The following CDCA7 variants were observed in gnomAD, a reference collection of about 807,000 sequenced individuals.
CDCA7 encodes the protein cell division cycle associated 7.
A neutral mutation model predicts 54.0 loss-of-function variants in CDCA7; 28 were observed. That is an observed-to-expected ratio of 0.52 (90% CI 0.38 to 0.71). The LOEUF (loss-of-function observed/expected upper bound fraction) is 0.71. Ranked by LOEUF, CDCA7 falls within the 30% of genes least tolerant of loss-of-function variation. The probability of loss-of-function intolerance (pLI) is 0.00; values close to 1 mark genes in which losing one functional copy is unlikely to be tolerated. For synonymous variants in CDCA7, 180 were observed against 208.2 expected (o/e 0.86, Z 1.16); for missense variants, 484 against 586.0 (o/e 0.83, Z 1.80).
At chr2:173,356,924 T>A (rs1686518251) in intron 1 of CDCA7, among the ~76,000 whole-genome samples, 1 of 152,218 alleles carries the variant, frequency 6.6e-6, no homozygotes, top group Non-Finnish European at 1.5e-5. Flanking sequence ...GGTATAGGGA[T>A]GTTGGGAGTG....
chr2:173,364,590 C>T, intron 5 of CDCA7: 1 of 399,142 alleles, frequency 2.5e-6, no homozygotes, highest in Non-Finnish European at 3.8e-6. Context: ...TTGAAAGAAA[C>T]TGGGCTTGGT....
At position 173,367,767 on chromosome 2, in the gene CDCA7, T is replaced by A. The variant is rs193054268; in HGVS notation, c.*103T>A. 1.6e-6 allele frequency: 2 copies of A among 1,216,130 alleles called. No homozygotes were observed. Among genetic ancestry groups the A allele is most frequent in the African/African-American group, 3.0e-5 (2 of 66,912 alleles). 75.3% of individuals were successfully genotyped at this position (1,216,130 alleles called of 1,614,324 possible). A position where few individuals can be genotyped will look rare whatever the true frequency, so the allele number is the denominator to read the frequency against. On this transcript the variant is annotated 3_prime_UTR_variant, in exon 10 of 10. Transcript: ENST00000306721. ...GAGTTAAAAATCTTGATGATCAGCCTGTTTCATAAGAAACTCCAATCAAGT... is the reference window on the plus strand; with the variant it reads ...GAGTTAAAAATCTTGATGATCAGCCAGTTTCATAAGAAACTCCAATCAAGT...
chr2:173,355,566 G>T (rs1489397847), intron 1 of CDCA7, among the ~76,000 whole-genome samples: 1 of 152,204 alleles, frequency 6.6e-6, no homozygotes, highest in Non-Finnish European at 1.5e-5. Context: ...AGTGTGAAGC[G>T]ACCGTAGTCC....
In CDCA7 at chr2:173,363,458, C is replaced by A; in HGVS notation, c.617C>A (p.Ala206Glu). 1 of 1,611,152 alleles carries A rather than the reference C, an allele frequency of 6.2e-7. No homozygotes were observed. Among genetic ancestry groups the A allele is most frequent in the Non-Finnish European group, 8.5e-7 (1 of 1,177,390 alleles). Residue 206 changes from alanine (A) to glutamate (E), a missense_variant, in exon 4 of 10, where the codon GCA becomes GAA. Coordinates refer to ENST00000306721, the MANE Select transcript of CDCA7 (RefSeq NM_031942.5). ...GCTTTAAATATAAAGCAAAACAAAG[C>A]AATGGTAGGTATCTGACTTTGTGTT... ...KRALNIKQNKAMLAKLMSELE... is the reference protein window; with the variant it reads ...KRALNIKQNKEMLAKLMSELE...
chr2:173,366,357 C>T lies in CDCA7; in HGVS notation c.1110C>T (p.Gly370=), dbSNP rs145586650. ...KTNCRNPDCW[G]VRGQFCGPCL... is the part of the protein sequence containing the mutation. ...ACTGCAGAAACCCAGACTGCTGGGGCGTTCGAGGCCAGTTCTGTGGCCCCT... is the reference window on the plus strand; with the variant it reads ...ACTGCAGAAACCCAGACTGCTGGGGTGTTCGAGGCCAGTTCTGTGGCCCCT... The change falls in exon 8 of 10, where the codon GGC becomes GGT. Residue 370 remains glycine (G), a synonymous_variant. Transcript: ENST00000306721. This position sits in a 1 kb window ranked among gnomAD's most constrained non-coding sequence, Gnocchi z 4.5. 3.7e-4 allele frequency: 595 copies of T among 1,613,886 alleles called. No homozygotes were observed. Among genetic ancestry groups the T allele is most frequent in the African/African-American group, 3.3e-3 (249 of 74,958 alleles).
chr2:173,354,883 T>A lies in CDCA7; in HGVS notation c.-81T>A. 3 of 1,347,378 alleles carry A rather than the reference T, an allele frequency of 2.2e-6. No homozygotes were observed. Among genetic ancestry groups the A allele is most frequent in the Non-Finnish European group, 2.9e-6 (3 of 1,033,248 alleles). The allele number at this position is 1,347,378 out of a possible 1,614,324, so 83.5% of individuals were successfully genotyped here. ...AGCCTGCCAGCCGCGCTGCTGCTGC[T>A]CCTCCTGCTGTGGGACCGCTGACCG... On this transcript the variant is annotated 5_prime_UTR_variant, in exon 1 of 10. Transcript: ENST00000306721.
Position 173,367,682 on chromosome 2 carries a change from G to A in CDCA7, c.*18G>A. 6.2e-7 allele frequency: 1 copy of A among 1,613,806 alleles called. No individual in the cohort carries two copies. Among genetic ancestry groups the A allele is most frequent in the Non-Finnish European group, 8.5e-7 (1 of 1,179,748 alleles). The stretch of plus-strand genomic sequence containing the variant: ...AAGCATAATATCTGGAAAATTTGCT[G>A]CCTGCCTTCTACTTCTCAAATCTTT... On this transcript the variant is annotated 3_prime_UTR_variant, in exon 10 of 10. Transcript: ENST00000306721.
intron 3 of CDCA7, 55 bp from the exon 4 acceptor site, chr2:173,363,171 T>C (rs759969816): frequency 7.8e-6 from 12 of 1,537,938 alleles, no homozygotes; most frequent in Admixed American, 1.7e-5. Context: ...TTTGTAGTTA[T>C]ACTGATGCAG....
At chr2:173,364,211 TC>T (rs1686675032) in intron 5 of CDCA7, 1 of 237,326 alleles carries the variant, frequency 4.2e-6, no homozygotes, top group Admixed American at 5.3e-5. Flanking sequence ...AGCACATTCC[TC>T]CTACATGGTA....
At position 173,367,385 on chromosome 2, in the gene CDCA7, G is replaced by C. The variant is rs1021815177; in HGVS notation, c.1322+99G>C. 12 of 1,546,242 alleles carry C rather than the reference G, an allele frequency of 7.8e-6. No individual in the cohort carries two copies. In the Admixed American group the frequency reaches 2.0e-4, roughly 26 times the overall value. On this transcript the variant is annotated intron_variant, in intron 9 of 9. Transcript: ENST00000306721. ...TGTCAGAAGAGTGGTTATCTCTGGC[G>C]GGGTGGAGACTGACTGGAACGGGGC...
At position 173,366,536 on chromosome 2, in the gene CDCA7, T is replaced by G. The variant is rs1390247262; in HGVS notation, c.1185+104T>G. On this transcript the variant is annotated intron_variant, in intron 8 of 9. Transcript: ENST00000306721. The surrounding 1 kb of genome is among the most constrained non-coding windows in gnomAD (Gnocchi z 4.5). ...TGAAGGGGTGGAGCCCTTTCTGTTATGGGGTGCTCTTCTTTTTTTTTAAGA... is the reference window on the plus strand; with the variant it reads ...TGAAGGGGTGGAGCCCTTTCTGTTAGGGGGTGCTCTTCTTTTTTTTTAAGA... 5 of 1,441,460 alleles carry G rather than the reference T, an allele frequency of 3.5e-6. No homozygotes were observed. The African/African-American group carries it at 7.1e-5, about 21-fold the overall frequency. 89.3% of individuals were successfully genotyped at this position (1,441,460 alleles called of 1,614,324 possible).
rs940164558 is a variant in CDCA7 at position 173,363,859 on chromosome 2, G to A, written c.663G>A (p.Ser221=). 9.9e-6 allele frequency: 16 copies of A among 1,613,996 alleles called. No homozygotes were observed. The Admixed American group carries it at 1.2e-4, about 12-fold the overall frequency. ...CTGAATTAGAAAGCTTCCCTGGCTC[G>A]TTCCGTGGAAGACATCCCCTCCCAG... is the stretch of plus-strand genomic sequence containing the variant. The part of the protein sequence containing the change: ...LMSELESFPG[S]FRGRHPLPGS... The change falls in exon 5 of 10, where the codon TCG becomes TCA. Residue 221 remains serine, a synonymous_variant. Transcript: ENST00000306721.
At chr2:173,362,836 C>T (rs1355330004) in intron 3 of CDCA7, among the ~76,000 whole-genome samples, 2 of 152,128 alleles carry the variant, frequency 1.3e-5, no homozygotes, top group African/African-American at 4.8e-5. Context: ...CCTCAGCCTC[C>T]CAAAGTGCTG....
In CDCA7 at chr2:173,354,875, G is replaced by T; in HGVS notation, c.-89G>T. Reference sequence around the variant, plus strand: ...GCGCGCCCAGCCTGCCAGCCGCGCTGCTGCTGCTCCTCCTGCTGTGGGACC... The same window carrying T: ...GCGCGCCCAGCCTGCCAGCCGCGCTTCTGCTGCTCCTCCTGCTGTGGGACC... On this transcript the variant is annotated 5_prime_UTR_variant, in exon 1 of 10. Coordinates refer to ENST00000306721, the MANE Select transcript of CDCA7 (RefSeq NM_031942.5). 7.2e-7 allele frequency: 1 copy of T among 1,395,852 alleles called. No individual in the cohort carries two copies. The allele number at this position is 1,395,852 out of a possible 1,614,324, so 86.5% of individuals were successfully genotyped here. A position where few individuals can be genotyped will look rare whatever the true frequency, so the allele number is the denominator to read the frequency against.
At chr2:173,356,464 A>T (rs1686507525) in intron 1 of CDCA7, among the ~76,000 whole-genome samples, 1 of 152,146 alleles carries the variant, frequency 6.6e-6, no homozygotes, top group Non-Finnish European at 1.5e-5. Context: ...GTGATCTTGC[A>T]GTCTATTACA....
intron 4 of CDCA7, 46 bp downstream of exon 4, chr2:173,363,508 G>A (rs1453832409): frequency 2.0e-5 from 30 of 1,528,102 alleles, no homozygotes; most frequent in Non-Finnish European, 2.4e-5. Flanking sequence ...CTCTCTAAGC[G>A]ACTCATTACT....
intron 3 of CDCA7, among the ~76,000 whole-genome samples, chr2:173,362,951 G>C (rs1686650368): frequency 6.6e-6 from 1 of 152,076 alleles, no homozygotes. Flanking sequence ...ATGAAAAGCA[G>C]GTGGTAGGAA....
intron 1 of CDCA7, among the ~76,000 whole-genome samples, chr2:173,357,573 C>T (rs1228213680): frequency 6.6e-6 from 1 of 152,196 alleles, no homozygotes; most frequent in Admixed American, 6.5e-5. Context: ...AGAGGTCCTG[C>T]CCAGTTTTTG....
intron 8 of CDCA7, 114 bp from the exon 9 acceptor site, chr2:173,367,036 G>A (rs984996994): frequency 2.2e-6 from 3 of 1,383,990 alleles, no homozygotes; most frequent in African/African-American, 2.9e-5. Flanking sequence ...CATGACTAAT[G>A]CCTATTAATC....
Sources: gnomAD v4.1 joint callset for allele counts (sites outside exome capture counted in the v4.1 genomes callset) on GRCh38, gnomAD v4.1.1 for gene constraint, Gnocchi (gnomAD v3.1) non-coding constraint, MANE v1.5 for transcripts, NCBI Gene and HGNC (gene_info 2026-07-23, HGNC 2026-07-21) for gene names.